Variants in VSNL1 observed in about 807,000 individuals in gnomAD.
The protein encoded by VSNL1 is visinin like 1.
In VSNL1, 6 loss-of-function variants were observed where a neutral mutation model predicts 20.4. The ratio of observed to expected loss-of-function variants is 0.29; its 90% CI spans 0.16 to 0.58. The LOEUF (loss-of-function observed/expected upper bound fraction) is 0.58, where lower values mean the gene tolerates loss of function less well. Among genes scored for constraint, VSNL1 ranks in the 20% least tolerant of loss-of-function variants. The pLI is 0.90. For missense variants in VSNL1, 100 were observed against 234.5 expected, an observed-to-expected ratio of 0.43 and a Z score of 3.75; for synonymous variants, 93 against 86.4, an observed-to-expected ratio of 1.08 and a Z score of -0.42.
At position 17,631,801 on chromosome 2, in the gene VSNL1, C is replaced by A. The variant is rs559232006; in HGVS notation, c.163-17609C>A. On this transcript the variant is annotated intron_variant, in intron 2 of 3. Coordinates refer to ENST00000295156, the MANE Select transcript of VSNL1 (RefSeq NM_003385.5). ...GAATAAATCTAGAGTTATAAATATA[C>A]ATGCGTGTATGTGTAAACATGAAGA... Among the ~76,000 whole-genome samples, 7 of 152,352 alleles carry A rather than the reference C, an allele frequency of 4.6e-5. No homozygotes were observed. In the South Asian group the frequency reaches 1.4e-3, roughly 32 times the overall value.
intron 2 of VSNL1, among the ~76,000 whole-genome samples, chr2:17,621,944 A>G (rs1442382373): frequency 6.6e-6 from 1 of 152,126 alleles, no homozygotes; most frequent in East Asian, 1.9e-4. Flanking sequence ...TAACAGTTCC[A>G]GGGGAGCGTC....
At chr2:17,654,442 A>G (rs561403020) in intron 3 of VSNL1, among the ~76,000 whole-genome samples, 1 of 152,202 alleles carries the variant, frequency 6.6e-6, no homozygotes, top group African/African-American at 2.4e-5. Flanking sequence ...TGGCCCCACA[A>G]TTCTTCTTTT....
At chr2:17,623,669 C>CAAAA (rs5829599) in intron 2 of VSNL1, among the ~76,000 whole-genome samples, 1 of 70,354 alleles carries the variant, frequency 1.4e-5, no homozygotes. Context: ...GACTCCATCT[C>CAAAA]AAAAAAAAAA....
At chr2:17,558,230 C>T (rs966661103) in intron 1 of VSNL1, among the ~76,000 whole-genome samples, 3 of 152,120 alleles carry the variant, frequency 2.0e-5, no homozygotes, top group Non-Finnish European at 2.9e-5. Context: ...AGCATAGTAT[C>T]ATGGAAAGAA....
intron 2 of VSNL1, among the ~76,000 whole-genome samples, chr2:17,626,407 G>C (rs895014981): frequency 6.6e-6 from 1 of 152,190 alleles, no homozygotes; most frequent in South Asian, 2.1e-4. Flanking sequence ...CAGGAGTAGG[G>C]AGCATCTGGC....
chr2:17,541,294 C>A (rs1342070852), intron 1 of VSNL1: 1 of 152,164 alleles, frequency 6.6e-6, no homozygotes, highest in Non-Finnish European at 1.5e-5. Context: ...GAGTAGCAAC[C>A]TGTCATCCGT....
chr2:17,559,877 A>C (rs896872064), intron 1 of VSNL1, among the ~76,000 whole-genome samples: 1 of 152,058 alleles, frequency 6.6e-6, no homozygotes, highest in Non-Finnish European at 1.5e-5. Context: ...GAAAAAATAA[A>C]CATCAGAAAA....
At chr2:17,572,696 G>A (rs574124267) in intron 1 of VSNL1, among the ~76,000 whole-genome samples, 2 of 152,286 alleles carry the variant, frequency 1.3e-5, no homozygotes, top group African/African-American at 4.8e-5. Context: ...ATCTAACTCT[G>A]TCTCACCCTT....
chr2:17,575,175 T>TGGATTGCAG (rs879843687), intron 1 of VSNL1, among the ~76,000 whole-genome samples: 1 of 152,162 alleles, frequency 6.6e-6, no homozygotes, highest in Non-Finnish European at 1.5e-5. Flanking sequence ...CTCTTCCTTC[T>TGGATTGCAG]GGATTGCAGG....
In VSNL1 at chr2:17,655,250, C is replaced by G; in HGVS notation, c.432C>G (p.Gly144=). ...TVIMMKMNED[G]LTPEQRVDKI... Reference sequence around the variant, plus strand: ...TCATGATGAAAATGAATGAGGATGGCCTGACGCCTGAGCAGCGAGTAGACA... The same window carrying G: ...TCATGATGAAAATGAATGAGGATGGGCTGACGCCTGAGCAGCGAGTAGACA... Residue 144 remains glycine (G), a synonymous_variant, in exon 4 of 4, where the codon GGC becomes GGG. Transcript: ENST00000295156. The surrounding 1 kb of genome is among the most constrained non-coding windows in gnomAD (Gnocchi z 5.2). The G allele has an allele frequency of 1.2e-6, 2 of 1,614,086 alleles. No individual in the cohort carries two copies. Among genetic ancestry groups the G allele is most frequent in the Non-Finnish European group, 1.7e-6 (2 of 1,180,020 alleles).
At chr2:17,640,083 C>G (rs910543036) in intron 2 of VSNL1, among the ~76,000 whole-genome samples, 1 of 152,042 alleles carries the variant, frequency 6.6e-6, no homozygotes, top group African/African-American at 2.4e-5. Context: ...AACCCGGTCT[C>G]TACTAAAAAT....
chr2:17,611,481 G>T (rs1299146983), intron 2 of VSNL1, among the ~76,000 whole-genome samples: 1 of 152,216 alleles, frequency 6.6e-6, no homozygotes, highest in African/African-American at 2.4e-5. Context: ...TAAGATGAAG[G>T]ATGATCATGC....
chr2:17,561,881 T>G lies in VSNL1; in HGVS notation c.-6+20963T>G, dbSNP rs553024296. Reference sequence around the variant, plus strand: ...ACCAAGTATCTATTCTTTTTTTTGGTGACTCTTAACAATAGCCAAGAAGTT... The same window carrying G: ...ACCAAGTATCTATTCTTTTTTTTGGGGACTCTTAACAATAGCCAAGAAGTT... On this transcript the variant is annotated intron_variant, in intron 1 of 3. Coordinates refer to ENST00000295156, the MANE Select transcript of VSNL1 (RefSeq NM_003385.5). Among the ~76,000 whole-genome samples the G allele has an allele frequency of 5.3e-5, 8 of 152,322 alleles. No homozygotes were observed. In the South Asian group the frequency reaches 1.7e-3, roughly 32 times the overall value.
intron 3 of VSNL1, among the ~76,000 whole-genome samples, chr2:17,650,730 TCA>T (rs1666106538): frequency 1.3e-5 from 2 of 152,182 alleles, no homozygotes; most frequent in African/African-American, 2.4e-5. Flanking sequence ...CTCAGGACTC[TCA>T]CTCTCCTCCC....
intron 1 of VSNL1, among the ~76,000 whole-genome samples, chr2:17,559,633 T>C (rs1463287284): frequency 1.3e-5 from 2 of 152,168 alleles, no homozygotes; most frequent in African/African-American, 2.4e-5. Flanking sequence ...ATCCTTCCAG[T>C]TCTACCTATT....
chr2:17,581,184 A>C (rs1019946597), intron 1 of VSNL1, among the ~76,000 whole-genome samples: 4 of 152,184 alleles, frequency 2.6e-5, no homozygotes, highest in African/African-American at 9.7e-5. Flanking sequence ...ATCATGGTTC[A>C]ATATCAACAT....
chr2:17,592,640 C>CTTTTTTTTTTTTTT (rs55756596), intron 2 of VSNL1, among the ~76,000 whole-genome samples: 17 of 70,854 alleles, frequency 2.4e-4, no homozygotes, highest in African/African-American at 8.4e-4. Context: ...CTCTCTCTCT[C>CTTTTTTTTTTTTTT]TTTTTTTTTT....
intron 2 of VSNL1, among the ~76,000 whole-genome samples, chr2:17,594,410 G>A (rs900848259): frequency 6.6e-6 from 1 of 152,076 alleles, no homozygotes; most frequent in Non-Finnish European, 1.5e-5. Context: ...AATATGCCAC[G>A]TACACAGAAA....
intron 1 of VSNL1, among the ~76,000 whole-genome samples, chr2:17,556,198 A>G (rs554889972): frequency 6.6e-6 from 1 of 152,302 alleles, no homozygotes; most frequent in South Asian, 2.1e-4. Context: ...GGTAGTTTTT[A>G]AAAGATCTTT....
Sources: allele counts gnomAD v4.1 joint callset (sites outside exome capture counted in the v4.1 genomes callset), GRCh38; gene constraint gnomAD v4.1.1; non-coding constraint Gnocchi (gnomAD v3.1); transcripts MANE v1.5; gene names NCBI Gene and HGNC (gene_info 2026-07-23, HGNC 2026-07-21).